The following R3HDM1 variants were observed in gnomAD, a reference collection of about 807,000 sequenced individuals.
R3HDM1 encodes the protein R3H domain-containing protein 1.
Under a neutral mutation model 141.1 loss-of-function variants are expected in R3HDM1, and 46 were observed. The observed-to-expected ratio is 0.33, with a 90% CI of 0.26 to 0.42. The LOEUF (loss-of-function observed/expected upper bound fraction) is 0.42, where lower values mean the gene tolerates loss of function less well. Among genes scored for constraint, R3HDM1 ranks in the 10% least tolerant of loss-of-function variants. The pLI is 1.00. For synonymous variants in R3HDM1, 435 were observed against 472.9 expected (o/e 0.92, Z 1.04); for missense variants, 1,184 against 1,368.3 (o/e 0.87, Z 2.12).
intron 21 of R3HDM1, among the ~76,000 whole-genome samples, chr2:135,691,015 T>G (rs2072289869): frequency 6.6e-6 from 1 of 152,240 alleles, no homozygotes; most frequent in Admixed American, 6.5e-5. Context: ...TCAATGAGTT[T>G]CTGTTTTTGA....
chr2:135,639,682 G>C (rs1022534805), intron 14 of R3HDM1, among the ~76,000 whole-genome samples: 1 of 152,090 alleles, frequency 6.6e-6, no homozygotes, highest in African/African-American at 2.4e-5. Context: ...GAGTTCATTG[G>C]CTCATAACAT....
intron 19 of R3HDM1, among the ~76,000 whole-genome samples, chr2:135,671,785 G>A (rs1361847631): frequency 6.6e-6 from 1 of 151,840 alleles, no homozygotes; most frequent in East Asian, 2.0e-4. Flanking sequence ...AGACCAGCCT[G>A]GCCAACATGG....
chr2:135,707,553 T>C (rs2075101889), intron 21 of R3HDM1, among the ~76,000 whole-genome samples: 1 of 152,196 alleles, frequency 6.6e-6, no homozygotes, highest in African/African-American at 2.4e-5. Context: ...GCTATATTGC[T>C]TACTTCAGTG....
intron 14 of R3HDM1, among the ~76,000 whole-genome samples, chr2:135,640,014 G>T (rs530990954): frequency 2.0e-5 from 3 of 151,354 alleles, no homozygotes; most frequent in African/African-American, 4.9e-5. Context: ...CAGGAGAATC[G>T]CTTGAACCCA....
At chr2:135,631,818 C>T (rs2062743665) in intron 8 of R3HDM1, 41 bp downstream of exon 8, 2 of 1,583,226 alleles carry the variant, frequency 1.3e-6, no homozygotes, top group Non-Finnish European at 1.7e-6. Flanking sequence ...TTGTCATCAC[C>T]ATTCTCCTTG....
intron 7 of R3HDM1, among the ~76,000 whole-genome samples, chr2:135,630,053 AT>A (rs775537927): frequency 5.3e-5 from 8 of 150,412 alleles, no homozygotes; most frequent in Non-Finnish European, 1.2e-4. Flanking sequence ...AAAAAGGATG[AT>A]TTAAAAAAAA....
At chr2:135,711,998 G>A (rs928239765) in intron 23 of R3HDM1, among the ~76,000 whole-genome samples, 7 of 143,510 alleles carry the variant, frequency 4.9e-5, no homozygotes, top group East Asian at 2.0e-4. Flanking sequence ...AGAGTTGTCC[G>A]TTAGATATAA....
At chr2:135,704,842 A>C (rs1164984334) in intron 21 of R3HDM1, among the ~76,000 whole-genome samples, 1 of 152,254 alleles carries the variant, frequency 6.6e-6, no homozygotes, top group African/African-American at 2.4e-5. Flanking sequence ...ATCCTATTAA[A>C]AATTCATTAA....
chr2:135,548,287 T>A (rs1358029090), intron 1 of R3HDM1, among the ~76,000 whole-genome samples: 2 of 152,218 alleles, frequency 1.3e-5, no homozygotes, highest in African/African-American at 4.8e-5. Context: ...CCTTTTGCTC[T>A]TTTTGCTTTC....
intron 18 of R3HDM1, 29 bp from the exon 19 acceptor site, chr2:135,661,241 A>G (rs750343676): frequency 1.9e-6 from 3 of 1,612,432 alleles, no homozygotes; most frequent in South Asian, 2.2e-5. Context: ...AGTAAAATTG[A>G]TTTTTTCCCG....
chr2:135,613,364 A>G (rs1168293786), intron 3 of R3HDM1, among the ~76,000 whole-genome samples: 1 of 152,122 alleles, frequency 6.6e-6, no homozygotes, highest in African/African-American at 2.4e-5. Flanking sequence ...GCCATCAACG[A>G]TATGTCGAGT....
intron 21 of R3HDM1, among the ~76,000 whole-genome samples, chr2:135,704,566 G>A (rs1485528308): frequency 6.6e-6 from 1 of 150,478 alleles, no homozygotes; most frequent in Non-Finnish European, 1.5e-5. Flanking sequence ...TGCCTCCCGG[G>A]TTCAAGTGAT....
intron 1 of R3HDM1, among the ~76,000 whole-genome samples, chr2:135,570,117 T>A (rs557182730): frequency 1.3e-5 from 2 of 152,366 alleles, no homozygotes; most frequent in Admixed American, 1.3e-4. Flanking sequence ...TGATTTTGAA[T>A]TAACTATTGA....
In R3HDM1 at chr2:135,531,560, AC is replaced by A; in HGVS notation, c.-322del. On this transcript the variant is annotated 5_prime_UTR_variant, in exon 1 of 27. An upstream open reading frame in the 5' UTR loses its in-frame stop. Transcript: ENST00000683871. ...GTTAATTCCCTTTCGTAAGACTCTT[AC>A]TTGCACCCACCCAGCCCCGCCGTCG... is the stretch of plus-strand genomic sequence containing the variant. The A allele has an allele frequency of 1.0e-6, 1 of 985,884 alleles. No individual in the cohort carries two copies. The highest frequency in any genetic ancestry group is 1.1e-4 in the East Asian group (1 of 8,784). 61.1% of individuals were successfully genotyped at this position (985,884 alleles called of 1,614,324 possible).
chr2:135,571,020 G>T (rs1382020739), intron 1 of R3HDM1, among the ~76,000 whole-genome samples: 1 of 152,100 alleles, frequency 6.6e-6, no homozygotes, highest in Non-Finnish European at 1.5e-5. Flanking sequence ...TACTTTTCTT[G>T]AGGCCAAAAA....
chr2:135,619,833 A>C (rs1374321205), intron 5 of R3HDM1: 7 of 543,412 alleles, frequency 1.3e-5, no homozygotes, highest in South Asian at 1.6e-4. Flanking sequence ...CTTGTATCTG[A>C]TGAGAGCTTG....
Position 135,724,473 on chromosome 2 carries a change from C to T in R3HDM1, c.*181C>T, listed in dbSNP as rs2076999492. On this transcript the variant is annotated 3_prime_UTR_variant, in exon 27 of 27. Transcript: ENST00000683871. ...GGGGAAAAATATGCATTTCACCCCA[C>T]ATGACTAGGAATCCACATCAGAATG... The T allele has an allele frequency of 1.1e-5, 6 of 539,052 alleles. No homozygotes were observed. The South Asian group carries it at 1.5e-4, about 14-fold the overall frequency. The allele number at this position is 539,052 out of a possible 1,614,324, so 33.4% of individuals were successfully genotyped here.
Position 135,669,323 on chromosome 2 carries a change from T to C in R3HDM1, c.2153-6009T>C, listed in dbSNP as rs595143. 3.0e-3 allele frequency: 2,978 copies of C among 985,380 alleles called. 61 individuals carry two copies. In the African/African-American group the frequency reaches 0.047, roughly 16 times the overall value. The allele number at this position is 985,380 out of a possible 1,614,324, so 61.0% of individuals were successfully genotyped here. On this transcript the variant is annotated intron_variant, in intron 19 of 26. Coordinates refer to ENST00000683871, the MANE Select transcript of R3HDM1 (RefSeq NM_001378107.1). ...CCCCCAAGTTCATGTGGCTACCATC[T>C]GAACTAACTACCCAAAAATTTTCAC... is the stretch of plus-strand genomic sequence containing the variant.
chr2:135,603,866 C>G (rs1480069314), intron 2 of R3HDM1, among the ~76,000 whole-genome samples: 1 of 152,202 alleles, frequency 6.6e-6, no homozygotes, highest in African/African-American at 2.4e-5. Flanking sequence ...CTTGGCCTCC[C>G]AAAGTGCTGG....
Sources: gnomAD v4.1 joint callset for allele counts (sites outside exome capture counted in the v4.1 genomes callset) on GRCh38, gnomAD v4.1.1 for gene constraint, MANE v1.5 for transcripts, NCBI Gene and HGNC (gene_info 2026-07-23, HGNC 2026-07-21) for gene names.